The following FER variants were observed in gnomAD, a reference collection of about 807,000 sequenced individuals.
The protein encoded by FER is FER tyrosine kinase, also known as tyrosine-protein kinase Fer.
A neutral mutation model predicts 111.0 loss-of-function variants in FER; 63 were observed. That is an observed-to-expected ratio of 0.57 (90% CI 0.46 to 0.70). The LOEUF (loss-of-function observed/expected upper bound fraction) is 0.70, where lower values mean the gene tolerates loss of function less well. FER is among the 30% of genes least tolerant of loss of function. FER has a pLI of 0.00. For synonymous variants in FER, 327 were observed against 313.9 expected (o/e 1.04, Z -0.44); for missense variants, 914 against 954.0 (o/e 0.96, Z 0.55).
chr5:108,964,806 A>T (rs879436154), intron 13 of FER, among the ~76,000 whole-genome samples: 14 of 152,148 alleles, frequency 9.2e-5, no homozygotes, highest in Non-Finnish European at 1.5e-4. Context: ...AGGCCATCCA[A>T]ATAAATTACA....
At chr5:108,749,614 C>T (rs1340365631) in intron 1 of FER, among the ~76,000 whole-genome samples, 7 of 152,244 alleles carry the variant, frequency 4.6e-5, no homozygotes, top group African/African-American at 1.7e-4. Flanking sequence ...GTCACCTTCT[C>T]CCGCTTTTAT....
chr5:108,949,788 T>A (rs556100518), intron 11 of FER, among the ~76,000 whole-genome samples: 85 of 152,212 alleles, frequency 5.6e-4, no homozygotes, highest in African/African-American at 2.0e-3. Context: ...TTGATGAAAA[T>A]GTGTTCTTAC....
Position 109,155,681 on chromosome 5 carries a change from A to G in FER, c.2049-25066A>G, listed in dbSNP as rs1040906278. 2.0e-5 allele frequency among the ~76,000 whole-genome samples: 3 copies of G among 151,978 alleles called. No individual in the cohort carries two copies. In the East Asian group the frequency reaches 5.8e-4, roughly 29 times the overall value. ...CAAGAGTGAAAATATAGATTCTGAAACCTTTATACCAGAGAGCTTGATGAT... is the reference window on the plus strand; with the variant it reads ...CAAGAGTGAAAATATAGATTCTGAAGCCTTTATACCAGAGAGCTTGATGAT... On this transcript the variant is annotated intron_variant, in intron 17 of 19. Transcript: ENST00000281092.
chr5:109,125,444 C>T (rs960451462), intron 17 of FER, among the ~76,000 whole-genome samples: 1 of 152,096 alleles, frequency 6.6e-6, no homozygotes, highest in African/African-American at 2.4e-5. Context: ...ATATTCAAAC[C>T]TGTAAACATC....
chr5:108,818,574 T>C (rs1758514293), intron 3 of FER, among the ~76,000 whole-genome samples: 1 of 152,132 alleles, frequency 6.6e-6, no homozygotes, highest in Non-Finnish European at 1.5e-5. Context: ...AATCTCAAAT[T>C]AGTAATTTGT....
In FER at chr5:109,196,471, A is replaced by C. The variant is rs1203046043; in HGVS notation, c.*8896A>C. 6.6e-6 allele frequency: 1 copy of C among 152,212 alleles called. No individual in the cohort carries two copies. The highest frequency in any genetic ancestry group is 1.5e-5 in the Non-Finnish European group (1 of 68,038). The allele number at this position is 152,212 out of a possible 1,614,324, so 9.4% of individuals were successfully genotyped here. ...ACTGGAAATAGGGTGCTTCTTCTGG[A>C]AAGTTCAGTGTAAAACACAAACAAG... On this transcript the variant is annotated 3_prime_UTR_variant, in exon 20 of 20. Coordinates refer to ENST00000281092, the MANE Select transcript of FER (RefSeq NM_005246.4).
Position 108,883,522 on chromosome 5 carries a change from A to G in FER, c.1046+4A>G. 1 of 1,574,628 alleles carries G rather than the reference A, an allele frequency of 6.4e-7. No homozygotes were observed. The highest frequency in any genetic ancestry group is 8.6e-7 in the Non-Finnish European group (1 of 1,161,172). On this transcript the variant is annotated splice_donor_region_variant and intron_variant, in intron 9 of 19. Coordinates refer to ENST00000281092, the MANE Select transcript of FER (RefSeq NM_005246.4). ...AAACTTGTGAGAAGAAGTCTGAGTGAGTAAAAGAGAAACAATTTGAAGGAA... is the reference window on the plus strand; with the variant it reads ...AAACTTGTGAGAAGAAGTCTGAGTGGGTAAAAGAGAAACAATTTGAAGGAA...
chr5:108,969,098 G>C (rs1007843487), intron 13 of FER, among the ~76,000 whole-genome samples: 5 of 152,106 alleles, frequency 3.3e-5, no homozygotes, highest in African/African-American at 1.2e-4. Context: ...ACAACAACAT[G>C]AAAAACCACT....
intron 16 of FER, among the ~76,000 whole-genome samples, chr5:109,073,998 A>C (rs866743814): frequency 6.6e-6 from 1 of 152,240 alleles, no homozygotes; most frequent in Middle Eastern, 3.4e-3. Flanking sequence ...GTATCTTATA[A>C]ACACTTATCC....
intron 16 of FER, among the ~76,000 whole-genome samples, chr5:109,079,522 A>C (rs561487929): frequency 6.6e-6 from 1 of 152,266 alleles, no homozygotes; most frequent in South Asian, 2.1e-4. Flanking sequence ...ATGAATTATA[A>C]AACATAATAA....
At position 108,796,206 on chromosome 5, in the gene FER, C is replaced by T. The variant is rs1217377913; in HGVS notation, c.-59-1918C>T. Among the ~76,000 whole-genome samples, 12 of 152,166 alleles carry T rather than the reference C, an allele frequency of 7.9e-5. 1 individual carries two copies. The East Asian group carries it at 1.9e-3, about 24-fold the overall frequency. On this transcript the variant is annotated intron_variant, in intron 2 of 19. Transcript: ENST00000281092. ...ACCAGCAGAAACTCTTGTTCCCTTTCGTTACTTTCTCCCAAACAAATGGAG... is the reference window on the plus strand; with the variant it reads ...ACCAGCAGAAACTCTTGTTCCCTTTTGTTACTTTCTCCCAAACAAATGGAG...
At chr5:109,178,403 A>C (rs557408762) in intron 17 of FER, among the ~76,000 whole-genome samples, 5 of 152,218 alleles carry the variant, frequency 3.3e-5, no homozygotes, top group Non-Finnish European at 1.5e-5. Context: ...TGGTGATGCA[A>C]TGAAGATAGT....
At chr5:109,147,794 T>TAGAGAG (rs774570522) in intron 17 of FER, among the ~76,000 whole-genome samples, 5 of 133,356 alleles carry the variant, frequency 3.7e-5, no homozygotes, top group African/African-American at 1.2e-4. Flanking sequence ...TATATATATA[T>TAGAGAG]ATATATAGAG....
At chr5:108,794,811 A>C (rs1422670183) in intron 2 of FER, among the ~76,000 whole-genome samples, 2 of 151,852 alleles carry the variant, frequency 1.3e-5, no homozygotes, top group Non-Finnish European at 2.9e-5. Context: ...TGCTTTTAGG[A>C]TCTTTTCTTT....
In FER at chr5:109,191,469, T is replaced by C. The variant is rs1336230435; in HGVS notation, c.*3894T>C. On this transcript the variant is annotated 3_prime_UTR_variant, in exon 20 of 20. Transcript: ENST00000281092. ...ATTGGCTGCCCTGGTTAGTGCTGAG[T>C]CATCGCAAGACTTGCTTTTGCATTT... is the stretch of plus-strand genomic sequence containing the variant. The C allele has an allele frequency of 6.6e-6, 1 of 152,158 alleles. No individual in the cohort carries two copies. Among genetic ancestry groups the C allele is most frequent in the Non-Finnish European group, 1.5e-5 (1 of 68,012 alleles). The allele number at this position is 152,158 out of a possible 1,614,324, so 9.4% of individuals were successfully genotyped here. A position where few individuals can be genotyped will look rare whatever the true frequency, so the allele number is the denominator to read the frequency against.
chr5:109,025,360 G>A (rs112532241), intron 13 of FER, among the ~76,000 whole-genome samples: 16,825 of 152,042 alleles, frequency 0.11, 1,022 homozygotes, highest in Non-Finnish European at 0.14. Flanking sequence ...GGATTCCTAG[G>A]TATTTTATTC....
At chr5:108,922,223 T>G (rs1191066204) in intron 10 of FER, among the ~76,000 whole-genome samples, 1 of 152,218 alleles carries the variant, frequency 6.6e-6, no homozygotes. Context: ...CCTCCAGAAC[T>G]GTAGGAGAGT....
In FER at chr5:109,036,317, A is replaced by G. The variant is rs1445565528; in HGVS notation, c.1657-1105A>G. Among the ~76,000 whole-genome samples, 6 of 152,122 alleles carry G rather than the reference A, an allele frequency of 3.9e-5. No individual in the cohort carries two copies. In the East Asian group the frequency reaches 7.7e-4, roughly 20 times the overall value. On this transcript the variant is annotated intron_variant, in intron 13 of 19. Coordinates refer to ENST00000281092, the MANE Select transcript of FER (RefSeq NM_005246.4). ...GGTGAAAAAACTATGCATAAAAACT[A>G]TTGCATTTTAAAAATCAGTGTTGTC...
At chr5:109,044,641 G>T in intron 14 of FER, 39 bp from the exon 15 acceptor site, 2 of 1,062,128 alleles carry the variant, frequency 1.9e-6, no homozygotes, top group Non-Finnish European at 2.7e-6. Flanking sequence ...TATACATGCT[G>T]TCATTTACCC....
Sources: allele counts gnomAD v4.1 joint callset (sites outside exome capture counted in the v4.1 genomes callset), GRCh38; gene constraint gnomAD v4.1.1; transcripts MANE v1.5; gene names NCBI Gene and HGNC (gene_info 2026-07-23, HGNC 2026-07-21).